Variants in BNC2 observed in about 807,000 individuals in gnomAD.
The protein encoded by BNC2 is basonuclin zinc finger protein 2.
A neutral mutation model predicts 76.3 loss-of-function variants in BNC2; 20 were observed. That is an observed-to-expected ratio of 0.26 (90% CI 0.18 to 0.38). The LOEUF (loss-of-function observed/expected upper bound fraction) is 0.38, where lower values mean the gene tolerates loss of function less well. Among genes scored for constraint, BNC2 ranks in the 10% least tolerant of loss-of-function variants. BNC2 has a pLI of 1.00. For synonymous variants in BNC2, 582 were observed against 514.8 expected (o/e 1.13, Z -1.77); for missense variants, 1,382 against 1,399.8 (o/e 0.99, Z 0.20).
chr9:16,677,578 A>AACAAACACACACACACACACAC (rs1554706101), intron 3 of BNC2, among the ~76,000 whole-genome samples: 1 of 139,256 alleles, frequency 7.2e-6, no homozygotes, highest in East Asian at 2.2e-4. Flanking sequence ...GTCTCAAACA[A>AACAAACACACACACACACACAC]ACACACACAC....
chr9:16,565,774 CT>C (rs1439045064), intron 4 of BNC2, among the ~76,000 whole-genome samples: 1 of 151,256 alleles, frequency 6.6e-6, no homozygotes, highest in African/African-American at 2.4e-5. Flanking sequence ...CGCCACTGCA[CT>C]CCAGCCTAAG....
intron 1 of BNC2, among the ~76,000 whole-genome samples, chr9:16,794,420 C>T (rs12376135): frequency 1.3e-5 from 2 of 152,044 alleles, no homozygotes; most frequent in African/African-American, 2.4e-5. Context: ...TGTTTCCAAC[C>T]GCCACCCCCA....
intron 3 of BNC2, chr9:16,699,194 C>A (rs1399250594): frequency 2.1e-6 from 1 of 471,076 alleles, no homozygotes; most frequent in Non-Finnish European, 4.4e-6. Context: ...GTAACCTGCA[C>A]ATCTACAAAC....
chr9:16,862,500 C>G lies in BNC2; in HGVS notation c.3+8146G>C, dbSNP rs188950511. Among the ~76,000 whole-genome samples the G allele has an allele frequency of 1.1e-3, 160 of 152,256 alleles. 3 individuals are homozygous for G. Among genetic ancestry groups the G allele is most frequent in the African/African-American group, 3.6e-3 (151 of 41,546 alleles). On this transcript the variant is annotated intron_variant, in intron 1 of 6. Transcript: ENST00000380672. ...AAAAGTAGGTGGAATAGAACAGGGC[C>G]TCTATAGATACCCCGTCCCAGCGCT...
chr9:16,527,584 G>C (rs915303645), intron 5 of BNC2, among the ~76,000 whole-genome samples: 1 of 152,174 alleles, frequency 6.6e-6, no homozygotes, highest in African/African-American at 2.4e-5. Flanking sequence ...TTCAATAGCA[G>C]GCCAGAGCAC....
At chr9:16,781,982 T>C (rs1826166031) in intron 1 of BNC2, among the ~76,000 whole-genome samples, 1 of 152,166 alleles carries the variant, frequency 6.6e-6, no homozygotes, top group Admixed American at 6.5e-5. Context: ...ATTATGACTT[T>C]CAATTTTTAA....
chr9:16,612,330 GATACA>G (rs2133442848), intron 3 of BNC2, among the ~76,000 whole-genome samples: 1 of 152,204 alleles, frequency 6.6e-6, no homozygotes, highest in Non-Finnish European at 1.5e-5. Flanking sequence ...TCTGCCTCAT[GATACA>G]ATACTGTACA....
At chr9:16,690,108 C>T (rs1276735706) in intron 3 of BNC2, among the ~76,000 whole-genome samples, 1 of 152,038 alleles carries the variant, frequency 6.6e-6, no homozygotes, top group African/African-American at 2.4e-5. Flanking sequence ...TACCATGGGA[C>T]CCCAGACTAA....
chr9:16,807,875 C>A (rs1245800834), intron 1 of BNC2, among the ~76,000 whole-genome samples: 1 of 151,938 alleles, frequency 6.6e-6, no homozygotes, highest in African/African-American at 2.4e-5. Context: ...CAGATAAACT[C>A]ATAATATCCA....
chr9:16,637,098 CTATCTTCT>C (rs1821351628), intron 3 of BNC2, among the ~76,000 whole-genome samples: 1 of 150,180 alleles, frequency 6.7e-6, no homozygotes, highest in African/African-American at 2.4e-5. Context: ...TTTTTTTTCT[CTATCTTCT>C]TATCTTCTTT....
rs145934332 is a variant in BNC2 at position 16,611,452 on chromosome 9, A to T, written c.331-28367T>A. On this transcript the variant is annotated intron_variant, in intron 3 of 6. Coordinates refer to ENST00000380672, the MANE Select transcript of BNC2 (RefSeq NM_017637.6). ...AAATCCAACCCTGGACATCAATCTTATGTTATTTTTTGACTGGTTATCATA... is the reference window on the plus strand; with the variant it reads ...AAATCCAACCCTGGACATCAATCTTTTGTTATTTTTTGACTGGTTATCATA... 5.9e-5 allele frequency among the ~76,000 whole-genome samples: 9 copies of T among 152,242 alleles called. No homozygotes were observed. The East Asian group carries it at 1.7e-3, about 29-fold the overall frequency.
intron 1 of BNC2, among the ~76,000 whole-genome samples, chr9:16,857,066 T>C (rs771183269): frequency 2.0e-5 from 3 of 152,098 alleles, no homozygotes; most frequent in Admixed American, 6.5e-5. Context: ...TCATAAAAAA[T>C]AGAAAAGTAA....
At chr9:16,492,699 C>T (rs111378255) in intron 5 of BNC2, among the ~76,000 whole-genome samples, 56 of 149,278 alleles carry the variant, frequency 3.8e-4, no homozygotes, top group African/African-American at 1.3e-3. Context: ...CTCCATCCTT[C>T]GAGGGTGGTA....
chr9:16,490,692 C>T (rs1364284670), intron 5 of BNC2, among the ~76,000 whole-genome samples: 1 of 152,122 alleles, frequency 6.6e-6, no homozygotes, highest in African/African-American at 2.4e-5. Context: ...GTCTTTCATA[C>T]AGTTGTGCTG....
intron 3 of BNC2, among the ~76,000 whole-genome samples, chr9:16,607,289 A>T (rs1279567285): frequency 6.6e-6 from 1 of 152,080 alleles, no homozygotes; most frequent in African/African-American, 2.4e-5. Flanking sequence ...GTAATGCAAA[A>T]CCTCAGAGAA....
chr9:16,771,934 GGGA>G (rs1490893585), intron 1 of BNC2, among the ~76,000 whole-genome samples: 1 of 152,116 alleles, frequency 6.6e-6, no homozygotes, highest in Non-Finnish European at 1.5e-5. Flanking sequence ...TCATGGTGGG[GGGA>G]GGATGGCAGG....
intron 1 of BNC2, among the ~76,000 whole-genome samples, chr9:16,757,864 A>C (rs1381364994): frequency 6.6e-6 from 1 of 152,210 alleles, no homozygotes; most frequent in Non-Finnish European, 1.5e-5. Context: ...GTTCCTTTAC[A>C]GTATTTAGAG....
At chr9:16,857,953 A>G (rs1436418339) in intron 1 of BNC2, among the ~76,000 whole-genome samples, 1 of 152,248 alleles carries the variant, frequency 6.6e-6, no homozygotes, top group Non-Finnish European at 1.5e-5. Flanking sequence ...CTCTAATTCA[A>G]CGATGAGGTA....
intron 1 of BNC2, among the ~76,000 whole-genome samples, chr9:16,781,663 G>A (rs574547980): frequency 3.3e-5 from 5 of 152,106 alleles, no homozygotes; most frequent in African/African-American, 7.2e-5. Flanking sequence ...CACATTCGTG[G>A]CAGAATTTTT....
Sources: allele counts gnomAD v4.1 joint callset (sites outside exome capture counted in the v4.1 genomes callset), GRCh38; gene constraint gnomAD v4.1.1; transcripts MANE v1.5; gene names NCBI Gene and HGNC (gene_info 2026-07-23, HGNC 2026-07-21).